Variants in EDAR observed in about 807,000 individuals in gnomAD.
The protein encoded by EDAR is tumor necrosis factor receptor superfamily member EDAR.
A neutral mutation model predicts 51.3 loss-of-function variants in EDAR; 38 were observed. The ratio of observed to expected loss-of-function variants is 0.74; its 90% CI spans 0.57 to 0.97. The LOEUF (loss-of-function observed/expected upper bound fraction) is 0.97, where lower values mean the gene tolerates loss of function less well. Ranked by LOEUF, EDAR falls within the 50% of genes least tolerant of loss-of-function variation. The pLI, the probability that EDAR is intolerant of heterozygous loss-of-function variation, is 0.00. For synonymous variants in EDAR, 227 were observed against 242.1 expected (o/e 0.94, Z 0.58); for missense variants, 528 against 595.0 (o/e 0.89, Z 1.17).
At chr2:108,904,090 T>C (rs1336172225) in intron 11 of EDAR, among the ~76,000 whole-genome samples, 2 of 152,088 alleles carry the variant, frequency 1.3e-5, no homozygotes, top group African/African-American at 4.8e-5. Context: ...GTCTAGAATA[T>C]ATTTTTAAAA....
intron 1 of EDAR, among the ~76,000 whole-genome samples, chr2:108,950,058 TG>T (rs545136560): frequency 5.9e-5 from 9 of 152,160 alleles, no homozygotes; most frequent in Non-Finnish European, 1.3e-4. Flanking sequence ...CATGGTGCCA[TG>T]GGGAGGGGCA....
At chr2:108,900,643 TTCCCA>T (rs1696682942) in intron 11 of EDAR, among the ~76,000 whole-genome samples, 1 of 151,584 alleles carries the variant, frequency 6.6e-6, no homozygotes, top group African/African-American at 2.4e-5. Context: ...CTTAAAAATT[TTCCCA>T]GTTATATGCT....
chr2:108,951,389 A>T (rs1697825003), intron 1 of EDAR, among the ~76,000 whole-genome samples: 1 of 152,236 alleles, frequency 6.6e-6, no homozygotes, highest in African/African-American at 2.4e-5. Context: ...ATTGTGTCCA[A>T]GGTCATACAG....
chr2:108,907,424 T>C (rs1437676294), intron 10 of EDAR, among the ~76,000 whole-genome samples: 4 of 152,086 alleles, frequency 2.6e-5, no homozygotes, highest in African/African-American at 9.7e-5. Flanking sequence ...GGCGGGTGGA[T>C]TGCCTGAACT....
rs1032993565 is a variant in EDAR, at chr2:108,906,245, G to T, written c.1024+63C>A. On this transcript the variant is annotated intron_variant, in intron 11 of 11. Transcript: ENST00000258443. ...CCCCTCACAGGAGCCTCAGGGCTCC[G>T]GGCCCAGCCCTTCATGTCGGTGGGG... 3.9e-5 allele frequency: 61 copies of T among 1,582,888 alleles called. No individual in the cohort carries two copies. In the East Asian group the frequency reaches 1.4e-3, roughly 35 times the overall value.
Position 108,895,210 on chromosome 2 carries a change from G to A in EDAR, c.*1697C>T, listed in dbSNP as rs545744696. The stretch of plus-strand genomic sequence containing the variant: ...CCTCATTATGATCCTCTCACAGTAT[G>A]TACTACATTCGTTGGTGGGAAATTG... On this transcript the variant is annotated 3_prime_UTR_variant, in exon 12 of 12. Coordinates refer to ENST00000258443, the MANE Select transcript of EDAR (RefSeq NM_022336.4). 2 of 152,762 alleles carry A rather than the reference G, an allele frequency of 1.3e-5. No homozygotes were observed. The highest frequency in any genetic ancestry group is 4.1e-4 in the South Asian group (2 of 4,826). 9.5% of individuals were successfully genotyped at this position (152,762 alleles called of 1,614,324 possible).
At chr2:108,941,568 C>T (rs1040180036) in intron 1 of EDAR, among the ~76,000 whole-genome samples, 6 of 152,196 alleles carry the variant, frequency 3.9e-5, no homozygotes, top group East Asian at 3.8e-4. Context: ...GTCCTCTGCA[C>T]CAGCTGGGGG....
rs773901379 is a variant in EDAR, at chr2:108,931,003, C to T, written c.12G>A (p.Val4=). The T allele has an allele frequency of 4.3e-6, 7 of 1,614,032 alleles. No individual in the cohort carries two copies. Among genetic ancestry groups the T allele is most frequent in the Admixed American group, 3.3e-5 (2 of 60,030 alleles). ...GCCAGGGCGTCTGCGTGCAGTCCCC[C>T]ACATGGGCCATCCTCTCCCAAGGGC... is the stretch of plus-strand genomic sequence containing the variant. MAH[V]GDCTQTPWLP... Residue 4 remains valine, a synonymous_variant, in exon 2 of 12, where the codon GTG becomes GTA. Transcript: ENST00000258443.
chr2:108,949,219 T>G (rs892114250), intron 1 of EDAR, among the ~76,000 whole-genome samples: 3 of 152,208 alleles, frequency 2.0e-5, no homozygotes, highest in Non-Finnish European at 4.4e-5. Flanking sequence ...TGAGCTCAAG[T>G]GTTCCACCTG....
intron 1 of EDAR, among the ~76,000 whole-genome samples, chr2:108,945,121 G>A (rs1011310026): frequency 1.1e-4 from 16 of 152,124 alleles, no homozygotes; most frequent in East Asian, 3.9e-4. Context: ...CTGCCTGTCC[G>A]TGAGGCAGCT....
intron 1 of EDAR, among the ~76,000 whole-genome samples, chr2:108,942,810 A>G (rs977532003): frequency 1.3e-5 from 2 of 152,326 alleles, no homozygotes; most frequent in African/African-American, 2.4e-5. Context: ...GCGCTAAGAA[A>G]ACTCAACAGC....
intron 1 of EDAR, among the ~76,000 whole-genome samples, chr2:108,939,269 C>T (rs1214841050): frequency 6.6e-6 from 1 of 152,124 alleles, no homozygotes; most frequent in African/African-American, 2.4e-5. Flanking sequence ...CCTCCGCAAC[C>T]TCCGCCTCCC....
intron 1 of EDAR, among the ~76,000 whole-genome samples, chr2:108,936,812 G>T (rs74994653): frequency 1.3e-5 from 2 of 152,186 alleles, no homozygotes; most frequent in Admixed American, 6.5e-5. Context: ...TGCTTTAGTC[G>T]GATCTGTTTC....
chr2:108,916,010 C>T (rs1558805503), intron 5 of EDAR, among the ~76,000 whole-genome samples: 2 of 152,326 alleles, frequency 1.3e-5, no homozygotes, highest in Middle Eastern at 3.4e-3. Context: ...CCCTCACAGA[C>T]CTTACTGAAG....
chr2:108,898,152 G>C (rs1019553800), intron 11 of EDAR, among the ~76,000 whole-genome samples: 1 of 152,142 alleles, frequency 6.6e-6, no homozygotes. Flanking sequence ...CAGAAAAACT[G>C]TGTCCCCACT....
At chr2:108,902,082 A>G (rs1243054247) in intron 11 of EDAR, among the ~76,000 whole-genome samples, 1 of 152,208 alleles carries the variant, frequency 6.6e-6, no homozygotes, top group Admixed American at 6.5e-5. Flanking sequence ...TACTAAAAAT[A>G]CAAAAATTAG....
chr2:108,936,095 G>A (rs925051925), intron 1 of EDAR, among the ~76,000 whole-genome samples: 5 of 152,220 alleles, frequency 3.3e-5, no homozygotes, highest in Non-Finnish European at 5.9e-5. Context: ...CAGCCTCCGG[G>A]ACTTCCCATT....
At position 108,896,676 on chromosome 2, in the gene EDAR, C is replaced by G; in HGVS notation, c.*231G>C. The G allele has an allele frequency of 1.8e-6, 1 of 558,846 alleles. No homozygotes were observed. The highest frequency in any genetic ancestry group is 2.4e-5 in the South Asian group (1 of 42,374). 34.6% of individuals were successfully genotyped at this position (558,846 alleles called of 1,614,324 possible). ...CTGTATGAGTGAGTAGATATTTACT[C>G]TGCCTGGTGAGGTACAGGCGAGCAT... On this transcript the variant is annotated 3_prime_UTR_variant, in exon 12 of 12. Transcript: ENST00000258443.
At chr2:108,930,093 C>T in intron 3 of EDAR, 27 bp downstream of exon 3, 1 of 1,605,976 alleles carries the variant, frequency 6.2e-7, no homozygotes. Flanking sequence ...GAGAGCGCAC[C>T]AGGCTCCAGG....
Sources: allele counts gnomAD v4.1 joint callset (sites outside exome capture counted in the v4.1 genomes callset), GRCh38; gene constraint gnomAD v4.1.1; transcripts MANE v1.5; gene names NCBI Gene and HGNC (gene_info 2026-07-23, HGNC 2026-07-21).